The following MATR3 variants were observed in gnomAD, a reference collection of about 807,000 sequenced individuals.
The protein encoded by MATR3 is matrin-3.
A neutral mutation model predicts 85.5 loss-of-function variants in MATR3; 4 were observed. That is an observed-to-expected ratio of 0.05 (90% CI 0.02 to 0.11). MATR3 has a LOEUF of 0.11. Among genes scored for constraint, MATR3 ranks in the 10% least tolerant of loss-of-function variants. MATR3 has a pLI of 1.00. For synonymous variants in MATR3, 336 were observed against 343.1 expected, an observed-to-expected ratio of 0.98 and a Z score of 0.23; for missense variants, 685 against 1,016.1, an observed-to-expected ratio of 0.67 and a Z score of 4.43.
At chr5:139,321,755 C>A in intron 9 of MATR3, 143 bp from the exon 10 acceptor site, 1 of 837,760 alleles carries the variant, frequency 1.2e-6, no homozygotes, top group Non-Finnish European at 1.8e-6. Flanking sequence ...TGCATTCCAG[C>A]CTGGGTGACA....
At chr5:139,279,114 C>T (rs772683636) in exon 3 of MATR3, 3 of 454,768 alleles carry the variant, frequency 6.6e-6, no homozygotes, top group African/African-American at 2.0e-5. Context: ...CCCTGTGTGA[C>T]ACCAAGATAA....
intron 3 of MATR3, chr5:139,283,412 G>C (rs535855139): frequency 6.6e-6 from 1 of 152,410 alleles, no homozygotes; most frequent in African/African-American, 2.4e-5. Context: ...CAGGAGGGGT[G>C]AAAGGGGGCA....
intron 3 of MATR3, among the ~76,000 whole-genome samples, chr5:139,282,373 C>T (rs763049688): frequency 2.4e-4 from 37 of 152,284 alleles, no homozygotes; most frequent in Non-Finnish European, 4.7e-4. Flanking sequence ...GTTTAGTAGC[C>T]TAAGGCTTGT....
intron 14 of MATR3, among the ~76,000 whole-genome samples, chr5:139,327,304 G>GTTTT (rs1194649334): frequency 8.4e-6 from 1 of 119,106 alleles, no homozygotes; most frequent in South Asian, 2.7e-4. Context: ...TGTCACTTCT[G>GTTTT]TTTTTTTTTT....
chr5:139,307,322 G>C lies in MATR3; in HGVS notation c.-94G>C, dbSNP rs2151959627. 6.6e-7 allele frequency: 1 copy of C among 1,512,400 alleles called. No individual in the cohort carries two copies. The highest frequency in any genetic ancestry group is 2.4e-5 in the East Asian group (1 of 40,952). The allele number at this position is 1,512,400 out of a possible 1,614,324, so 93.7% of individuals were successfully genotyped here. ...TTGGCGTTACCATTTTTGAAGCAAA[G>C]TTAACCTAGCTTTCTAGTTTGAGCT... On this transcript the variant is annotated 5_prime_UTR_variant, in exon 2 of 15. Transcript: ENST00000394805. The surrounding 1 kb of genome is among the most constrained non-coding windows in gnomAD (Gnocchi z 4.4).
chr5:139,298,390 C>T (rs1011200731), intron 1 of MATR3, among the ~76,000 whole-genome samples: 4 of 152,066 alleles, frequency 2.6e-5, no homozygotes, highest in South Asian at 2.1e-4. Flanking sequence ...GGGCAACATA[C>T]GGAAAACCCC....
Position 139,322,018 on chromosome 5 carries a change from C to T in MATR3, c.1723C>T (p.Leu575=). The T allele has an allele frequency of 1.2e-6, 2 of 1,613,976 alleles. No individual in the cohort carries two copies. Among genetic ancestry groups the T allele is most frequent in the Non-Finnish European group, 1.7e-6 (2 of 1,179,946 alleles). ...TGACCTGTCTGAGAAATATAAAAAA[C>T]TGGTTCTGAGGGTATGTAGTATTTG... The part of the protein sequence containing the change: ...KVDLSEKYKK[L]VLRIPNRGID... Residue 575 remains leucine, a synonymous_variant, in exon 10 of 15, where the codon CTG becomes TTG. Transcript: ENST00000394805.
intron 14 of MATR3, 57 bp from the exon 15 acceptor site, chr5:139,329,288 C>A: frequency 1.7e-6 from 2 of 1,192,728 alleles, no homozygotes; most frequent in South Asian, 1.2e-5. Context: ...TGGAATTAAT[C>A]CATTTTGCTG....
At chr5:139,274,729 G>A (rs983979970) in intron 1 of MATR3, among the ~76,000 whole-genome samples, 12 of 152,008 alleles carry the variant, frequency 7.9e-5, no homozygotes, top group Non-Finnish European at 1.2e-4. Flanking sequence ...GAGGTCAAGA[G>A]AAGAAGACCA....
At chr5:139,321,671 C>T (rs1309616740) in intron 9 of MATR3, 3 of 546,746 alleles carry the variant, frequency 5.5e-6, no homozygotes, top group Admixed American at 3.1e-5. Context: ...GTAGACCTAG[C>T]TACTGGGGGG....
chr5:139,312,209 T>TCATTGCACTCTCTACCACC (rs1755022918), intron 2 of MATR3: 2 of 152,238 alleles, frequency 1.3e-5, no homozygotes, highest in South Asian at 4.1e-4. Context: ...TGTTCGCAGC[T>TCATTGCACTCTCTACCACC]CATTGCACTC....
intron 7 of MATR3, 28 bp downstream of exon 7, chr5:139,317,749 A>G (rs745541338): frequency 1.3e-6 from 2 of 1,526,268 alleles, no homozygotes; most frequent in Non-Finnish European, 1.8e-6. Context: ...GGTATTATTC[A>G]TTTATTCATG....
chr5:139,323,080 A>G (rs1446999819), intron 12 of MATR3, 113 bp downstream of exon 12: 4 of 1,059,268 alleles, frequency 3.8e-6, no homozygotes, highest in South Asian at 3.3e-5. Flanking sequence ...CAGAAAATAA[A>G]TCAGATATGA....
chr5:139,325,147 C>A, intron 12 of MATR3: 1 of 1,074,102 alleles, frequency 9.3e-7, no homozygotes, highest in Non-Finnish European at 1.3e-6. Context: ...GAGCCGAGAT[C>A]GCGCCACTGC....
chr5:139,279,688 G>C (rs1428809849), intron 3 of MATR3: 1 of 153,750 alleles, frequency 6.5e-6, no homozygotes, highest in African/African-American at 2.4e-5. Flanking sequence ...ATTTTTAGTA[G>C]AGATGGGGTT....
intron 3 of MATR3, among the ~76,000 whole-genome samples, chr5:139,288,213 AAAAC>A (rs199892427): frequency 0.029 from 4,477 of 152,284 alleles, 221 homozygotes; most frequent in African/African-American, 0.1. Flanking sequence ...CCTGTCTCAA[AAAAC>A]AAACAAACCA....
chr5:139,317,983 G>T (rs1036985735), intron 7 of MATR3, among the ~76,000 whole-genome samples: 13 of 152,120 alleles, frequency 8.5e-5, no homozygotes, highest in Admixed American at 8.5e-4. Flanking sequence ...TCTGTGGAAA[G>T]CCATTTCAGA....
chr5:139,276,370 T>C lies in MATR3; in HGVS notation c.-257+220T>C, dbSNP rs1167909198. The C allele has an allele frequency of 1.1e-5, 4 of 374,064 alleles. No individual in the cohort carries two copies. In the East Asian group the frequency reaches 2.9e-4, roughly 27 times the overall value. 23.2% of individuals were successfully genotyped at this position (374,064 alleles called of 1,614,324 possible). ...TGTTTTTTGGCTTCCCTGGGCCACA[T>C]TGGAAGGATAAGAATTGTCTTGGGC... On this transcript the variant is annotated intron_variant, in intron 2 of 16. Coordinates refer to ENST00000509990, the Ensembl canonical transcript of MATR3.
chr5:139,294,721 C>T (rs2151920659), intron 1 of MATR3: 1 of 152,228 alleles, frequency 6.6e-6, no homozygotes, highest in South Asian at 2.1e-4. Flanking sequence ...TGGTGTGGGA[C>T]CTTCCGGTTT....
Sources: allele counts gnomAD v4.1 joint callset (sites outside exome capture counted in the v4.1 genomes callset), GRCh38; gene constraint gnomAD v4.1.1; non-coding constraint Gnocchi (gnomAD v3.1); transcripts MANE v1.5; gene names NCBI Gene and HGNC (gene_info 2026-07-23, HGNC 2026-07-21).